PLEKHG1: variants seen among roughly 807,000 people sequenced by gnomAD.
PLEKHG1 encodes pleckstrin homology domain-containing family G member 1.
A neutral mutation model predicts 100.8 loss-of-function variants in PLEKHG1; 44 were observed. That is an observed-to-expected ratio of 0.44 (90% CI 0.34 to 0.56). The LOEUF (loss-of-function observed/expected upper bound fraction) is 0.56, where lower values mean the gene tolerates loss of function less well. Ranked by LOEUF, PLEKHG1 falls within the 20% of genes least tolerant of loss-of-function variation. PLEKHG1 has a pLI of 0.01. For synonymous variants in PLEKHG1, 640 were observed against 662.5 expected (o/e 0.97, Z 0.52); for missense variants, 1,545 against 1,720.9 (o/e 0.90, Z 1.81).
At chr6:150,682,226 C>T (rs1290369203) in intron 3 of PLEKHG1, among the ~76,000 whole-genome samples, 1 of 152,130 alleles carries the variant, frequency 6.6e-6, no homozygotes, top group Non-Finnish European at 1.5e-5. Flanking sequence ...GCAAAGTTGT[C>T]AGCAGCTGAG....
rs550985053 is a variant in PLEKHG1, at chr6:150,646,846, C to T, written c.-157-3882C>T. Among the ~76,000 whole-genome samples the T allele has an allele frequency of 2.0e-5, 3 of 152,156 alleles. No individual in the cohort carries two copies. In the South Asian group the frequency reaches 6.2e-4, roughly 32 times the overall value. On this transcript the variant is annotated intron_variant, in intron 2 of 3. Coordinates refer to the PLEKHG1 transcript ENST00000367326. ...TTCTTTTCATGTACTTGACCATCTT[C>T]GTTACGGACTTAAATCATATTTTCT...
chr6:150,814,539 A>G (rs575312260), intron 10 of PLEKHG1, among the ~76,000 whole-genome samples: 2 of 152,336 alleles, frequency 1.3e-5, no homozygotes, highest in East Asian at 1.9e-4. Flanking sequence ...ATATGTTATG[A>G]GGTAGTTCTT....
chr6:150,691,297 G>T (rs971706117), intron 3 of PLEKHG1, among the ~76,000 whole-genome samples: 2 of 151,964 alleles, frequency 1.3e-5, no homozygotes, highest in African/African-American at 4.8e-5. Flanking sequence ...CAATCTACTG[G>T]TATTTTTATA....
chr6:150,615,746 AG>A (rs1777050742), intron 1 of PLEKHG1, among the ~76,000 whole-genome samples: 1 of 152,250 alleles, frequency 6.6e-6, no homozygotes, highest in African/African-American at 2.4e-5. Context: ...GGCAATGGAG[AG>A]GGGAGGAGGT....
chr6:150,613,193 A>G (rs1291520700), intron 1 of PLEKHG1, among the ~76,000 whole-genome samples: 1 of 152,208 alleles, frequency 6.6e-6, no homozygotes, highest in African/African-American at 2.4e-5. Flanking sequence ...GTTCTTTCCC[A>G]GATATCAGAG....
Position 150,654,119 on chromosome 6 carries a change from G to A in PLEKHG1, c.-99+3333G>A, listed in dbSNP as rs1368212683. On this transcript the variant is annotated intron_variant, in intron 3 of 3. Coordinates refer to the PLEKHG1 transcript ENST00000367326. ...TATTTGATGGAAGGGCATCAGGGTA[G>A]AGCTGCCACTTAGGGCACACAGCAC... 2.6e-5 allele frequency among the ~76,000 whole-genome samples: 4 copies of A among 152,178 alleles called. No individual in the cohort carries two copies. In the South Asian group the frequency reaches 8.3e-4, roughly 32 times the overall value.
intron 3 of PLEKHG1, among the ~76,000 whole-genome samples, chr6:150,669,033 C>CT (rs1162876015): frequency 1.3e-5 from 2 of 152,030 alleles, no homozygotes; most frequent in African/African-American, 4.8e-5. Flanking sequence ...TAACTAGGGC[C>CT]TTTTTTTGCA....
intron 2 of PLEKHG1, among the ~76,000 whole-genome samples, chr6:150,734,799 T>C (rs1331651933): frequency 6.6e-6 from 1 of 152,204 alleles, no homozygotes; most frequent in East Asian, 1.9e-4. Context: ...ATAAATTACT[T>C]GCACAAATTA....
chr6:150,610,238 A>G (rs1776766805), intron 1 of PLEKHG1, among the ~76,000 whole-genome samples: 1 of 152,126 alleles, frequency 6.6e-6, no homozygotes, highest in Non-Finnish European at 1.5e-5. Flanking sequence ...AGTAGCTGGG[A>G]TTACAGGCAC....
chr6:150,823,534 G>A (rs980703141), intron 13 of PLEKHG1, 120 bp from the exon 15 acceptor site: 4 of 675,918 alleles, frequency 5.9e-6, no homozygotes, highest in Non-Finnish European at 1.0e-5. Flanking sequence ...ATAGGGCCCA[G>A]AAGTCACTTG....
intron 2 of PLEKHG1, among the ~76,000 whole-genome samples, chr6:150,639,599 A>G (rs1778163992): frequency 6.6e-6 from 1 of 151,966 alleles, no homozygotes; most frequent in South Asian, 2.1e-4. Context: ...CAATGAGACA[A>G]TGAAGCAGGC....
intron 3 of PLEKHG1, among the ~76,000 whole-genome samples, chr6:150,694,713 A>AT (rs1299054024): frequency 2.0e-5 from 3 of 150,578 alleles, no homozygotes; most frequent in African/African-American, 7.4e-5. Flanking sequence ...AAAAAAAAAT[A>AT]AAAATAAAAA....
At chr6:150,666,147 A>G (rs932629102) in intron 3 of PLEKHG1, among the ~76,000 whole-genome samples, 1 of 152,246 alleles carries the variant, frequency 6.6e-6, no homozygotes, top group Non-Finnish European at 1.5e-5. Context: ...ACTCTGGATG[A>G]AAAGAGTCAA....
At chr6:150,644,907 T>C (rs1252974590) in intron 2 of PLEKHG1, among the ~76,000 whole-genome samples, 2 of 152,290 alleles carry the variant, frequency 1.3e-5, no homozygotes, top group Non-Finnish European at 1.5e-5. Context: ...ATCATTATTA[T>C]AATATAAAGA....
intron 1 of PLEKHG1, among the ~76,000 whole-genome samples, chr6:150,608,220 CTT>C (rs1241293295): frequency 6.6e-6 from 1 of 152,098 alleles, no homozygotes; most frequent in African/African-American, 2.4e-5. Context: ...TCTTATTTTT[CTT>C]TGTTTCTTTT....
intron 3 of PLEKHG1, among the ~76,000 whole-genome samples, chr6:150,661,115 C>T (rs1318072818): frequency 2.0e-5 from 3 of 152,208 alleles, no homozygotes; most frequent in South Asian, 2.1e-4. Flanking sequence ...GTTCTGTGAG[C>T]GAATTTGAAT....
chr6:150,800,966 A>G, intron 6 of PLEKHG1, 97 bp downstream of exon 7: 1 of 954,322 alleles, frequency 1.0e-6, no homozygotes, highest in Non-Finnish European at 1.6e-6. Flanking sequence ...CTATGGACAT[A>G]TGGAAACATT....
At chr6:150,671,389 C>G (rs575293896) in intron 3 of PLEKHG1, among the ~76,000 whole-genome samples, 2 of 152,298 alleles carry the variant, frequency 1.3e-5, no homozygotes, top group Admixed American at 6.5e-5. Context: ...ACTGCATCCA[C>G]ACCATATGTT....
chr6:150,779,349 T>TTTTTTGTTTTTTG (rs1785175170), intron 3 of PLEKHG1, among the ~76,000 whole-genome samples: 2 of 144,894 alleles, frequency 1.4e-5, no homozygotes, highest in Non-Finnish European at 3.0e-5. Flanking sequence ...AAGAAGTTTT[T>TTTTTTGTTTTTTG]TTTTTTTTTT....
Sources: gnomAD v4.1 joint callset for allele counts (sites outside exome capture counted in the v4.1 genomes callset) on GRCh38, gnomAD v4.1.1 for gene constraint, MANE v1.5 for transcripts, NCBI Gene and HGNC (gene_info 2026-07-23, HGNC 2026-07-21) for gene names.